The following ZNF385D variants were observed in gnomAD, a reference collection of about 807,000 sequenced individuals.
ZNF385D encodes the protein zinc finger protein 385D, also known as zinc finger protein 659.
In ZNF385D, 15 loss-of-function variants were observed where a neutral mutation model predicts 35.8. The ratio of observed to expected loss-of-function variants is 0.42; its 90% CI spans 0.28 to 0.64. The LOEUF (loss-of-function observed/expected upper bound fraction) is 0.64, where lower values mean the gene tolerates loss of function less well. Ranked by LOEUF, ZNF385D falls within the 30% of genes least tolerant of loss-of-function variation. The pLI is 0.23. For synonymous variants in ZNF385D, 212 were observed against 186.8 expected (o/e 1.13, Z -1.10); for missense variants, 474 against 494.6 (o/e 0.96, Z 0.39).
chr3:21,748,758 G>A (rs6762912), intron 1 of ZNF385D, among the ~76,000 whole-genome samples: 9,914 of 152,126 alleles, frequency 0.065, 1,081 homozygotes, highest in African/African-American at 0.22. Flanking sequence ...TTTTGAACAC[G>A]CACACACATT....
intron 2 of ZNF385D, among the ~76,000 whole-genome samples, chr3:22,172,362 T>C (rs990201411): frequency 5.3e-5 from 8 of 152,226 alleles, no homozygotes; most frequent in African/African-American, 1.9e-4. Context: ...GTGGCACACA[T>C]AAGATGACTC....
chr3:21,779,858 T>C (rs2071423751), intron 3 of ZNF385D, among the ~76,000 whole-genome samples: 1 of 151,992 alleles, frequency 6.6e-6, no homozygotes, highest in East Asian at 1.9e-4. Flanking sequence ...AAATAATTTA[T>C]TCTTTTTGTG....
intron 3 of ZNF385D, among the ~76,000 whole-genome samples, chr3:21,798,809 G>C (rs575897743): frequency 4.6e-5 from 7 of 152,200 alleles, no homozygotes; most frequent in Admixed American, 4.6e-4. Context: ...ATTTTATAAA[G>C]TAAAATTTGC....
At chr3:22,094,658 A>G (rs1487674883) in intron 3 of ZNF385D, among the ~76,000 whole-genome samples, 1 of 151,946 alleles carries the variant, frequency 6.6e-6, no homozygotes, top group Non-Finnish European at 1.5e-5. Context: ...AAGACTGCCC[A>G]GAGAGGAGCC....
intron 2 of ZNF385D, among the ~76,000 whole-genome samples, chr3:22,171,616 C>T (rs998269043): frequency 2.0e-5 from 3 of 152,098 alleles, no homozygotes; most frequent in African/African-American, 7.2e-5. Context: ...GTGGCTCACG[C>T]CTGTAATCCC....
intron 2 of ZNF385D, among the ~76,000 whole-genome samples, chr3:22,216,218 A>C (rs1010214819): frequency 3.3e-5 from 5 of 152,214 alleles, no homozygotes; most frequent in African/African-American, 1.2e-4. Context: ...TATGTTAATA[A>C]AACATTTTTA....
At chr3:21,878,069 T>G (rs1389396631) in intron 3 of ZNF385D, 1 of 152,032 alleles carries the variant, frequency 6.6e-6, no homozygotes, top group East Asian at 1.9e-4. Context: ...TCTTTGAAAT[T>G]GATGGTGTAT....
rs183843263 is a variant in ZNF385D, at chr3:21,680,277, T to G, written c.23-15249A>C. Among the ~76,000 whole-genome samples, 6 of 152,260 alleles carry G rather than the reference T, an allele frequency of 3.9e-5. No individual in the cohort carries two copies. In the East Asian group the frequency reaches 1.2e-3, roughly 29 times the overall value. On this transcript the variant is annotated intron_variant, in intron 1 of 7. Transcript: ENST00000281523. ...TACACTGGGTAAATTTCAATAAAAG[T>G]AAATGTGATATTAAGCCCTTTAAAG...
intron 3 of ZNF385D, among the ~76,000 whole-genome samples, chr3:21,975,521 G>C (rs1379833702): frequency 6.6e-6 from 1 of 151,854 alleles, no homozygotes; most frequent in Non-Finnish European, 1.5e-5. Flanking sequence ...ACGATTTATT[G>C]TACACTTTAA....
chr3:22,227,922 C>G (rs1376726342), intron 2 of ZNF385D, among the ~76,000 whole-genome samples: 1 of 152,198 alleles, frequency 6.6e-6, no homozygotes, highest in Non-Finnish European at 1.5e-5. Flanking sequence ...TCTGCTGGTG[C>G]TGTACACTGC....
intron 2 of ZNF385D, among the ~76,000 whole-genome samples, chr3:21,632,991 G>A (rs1030578249): frequency 1.3e-5 from 2 of 151,822 alleles, no homozygotes; most frequent in Middle Eastern, 3.2e-3. Context: ...CATTTACTTC[G>A]AACAAATCTG....
chr3:22,014,120 A>G (rs1000912698), intron 3 of ZNF385D, among the ~76,000 whole-genome samples: 3 of 152,214 alleles, frequency 2.0e-5, no homozygotes, highest in African/African-American at 7.2e-5. Flanking sequence ...AGATGCTATC[A>G]TATGACTAAA....
chr3:21,998,807 T>A (rs187218097), intron 3 of ZNF385D, among the ~76,000 whole-genome samples: 13 of 152,322 alleles, frequency 8.5e-5, no homozygotes, highest in Middle Eastern at 3.4e-3. Context: ...TAGGCTTAAA[T>A]AGACTGTCAA....
At chr3:22,078,698 C>G (rs113795506) in intron 3 of ZNF385D, among the ~76,000 whole-genome samples, 37 of 152,106 alleles carry the variant, frequency 2.4e-4, no homozygotes, top group African/African-American at 8.4e-4. Flanking sequence ...ACTTCTCAGG[C>G]ATGGCTATCA....
At chr3:21,588,204 ATGT>A (rs1028804804) in intron 2 of ZNF385D, among the ~76,000 whole-genome samples, 7 of 152,140 alleles carry the variant, frequency 4.6e-5, no homozygotes, top group African/African-American at 1.4e-4. Context: ...GGAGGAAATA[ATGT>A]TGTTGGGGAT....
Position 22,126,801 on chromosome 3 carries a change from T to A in ZNF385D, c.325+42016A>T, listed in dbSNP as rs1026345685. Among the ~76,000 whole-genome samples, 16 of 152,292 alleles carry A rather than the reference T, an allele frequency of 1.1e-4. No homozygotes were observed. The East Asian group carries it at 2.1e-3, about 20-fold the overall frequency. Reference sequence around the variant, plus strand: ...GAATGTTGAAGTTTCCAACTATTATTGTATCTCTCTCTTTAGCTCTAATAG... The same window carrying A: ...GAATGTTGAAGTTTCCAACTATTATAGTATCTCTCTCTTTAGCTCTAATAG... On this transcript the variant is annotated intron_variant, in intron 3 of 5. Coordinates refer to the ZNF385D transcript ENST00000494108.
chr3:22,341,125 CAAGA>C (rs1263480928), intron 2 of ZNF385D, among the ~76,000 whole-genome samples: 1 of 152,170 alleles, frequency 6.6e-6, no homozygotes, highest in Non-Finnish European at 1.5e-5. Context: ...TCAAAGATTT[CAAGA>C]AAGTTTATTT....
chr3:21,513,565 C>T (rs1161704136), intron 3 of ZNF385D, among the ~76,000 whole-genome samples: 3 of 151,854 alleles, frequency 2.0e-5, no homozygotes, highest in Non-Finnish European at 1.5e-5. Context: ...AGGTCCAAGG[C>T]GTTATAGATA....
intron 3 of ZNF385D, among the ~76,000 whole-genome samples, chr3:21,935,885 T>A (rs1291117222): frequency 6.6e-6 from 1 of 152,184 alleles, no homozygotes; most frequent in Non-Finnish European, 1.5e-5. Context: ...GTTCACATCA[T>A]GTAAACAGAG....
Sources: gnomAD v4.1 joint callset for allele counts (sites outside exome capture counted in the v4.1 genomes callset) on GRCh38, gnomAD v4.1.1 for gene constraint, MANE v1.5 for transcripts, NCBI Gene and HGNC (gene_info 2026-07-23, HGNC 2026-07-21) for gene names.